The following MARCHF10 variants were observed in gnomAD, a reference collection of about 807,000 sequenced individuals.
The protein encoded by MARCHF10 is probable E3 ubiquitin-protein ligase MARCHF10.
Under a neutral mutation model 76.2 loss-of-function variants are expected in MARCHF10, and 64 were observed. The ratio of observed to expected loss-of-function variants is 0.84; its 90% CI spans 0.69 to 1.03. The LOEUF is 1.03. Ranked by LOEUF, MARCHF10 falls within the 50% of genes least tolerant of loss-of-function variation. The probability of loss-of-function intolerance (pLI) is 0.00; values close to 1 mark genes in which losing one functional copy is unlikely to be tolerated. For missense variants in MARCHF10, 875 were observed against 958.0 expected (o/e 0.91, Z 1.14); for synonymous variants, 340 against 357.5 (o/e 0.95, Z 0.55).
chr17:62,732,067 C>T (rs752599159), intron 6 of MARCHF10, among the ~76,000 whole-genome samples: 2 of 151,858 alleles, frequency 1.3e-5, no homozygotes, highest in Non-Finnish European at 2.9e-5. Context: ...ATAAAAGAAC[C>T]AAGGGATAAA....
intron 1 of MARCHF10, among the ~76,000 whole-genome samples, chr17:62,804,199 G>A (rs1268752345): frequency 6.6e-6 from 1 of 152,208 alleles, no homozygotes; most frequent in Non-Finnish European, 1.5e-5. Context: ...AAACACAGGA[G>A]GAGCTGCTTT....
intron 3 of MARCHF10, among the ~76,000 whole-genome samples, chr17:62,761,850 T>TG (rs1414406159): frequency 1.3e-5 from 2 of 152,310 alleles, no homozygotes; most frequent in Non-Finnish European, 1.5e-5. Context: ...GTCCTGGAAC[T>TG]GGGTCCCAAG....
At chr17:62,768,259 C>A (rs1038192166) in intron 3 of MARCHF10, among the ~76,000 whole-genome samples, 1 of 152,200 alleles carries the variant, frequency 6.6e-6, no homozygotes, top group Non-Finnish European at 1.5e-5. Context: ...TGGCTCATGC[C>A]TGTAGTCCCA....
intron 3 of MARCHF10, among the ~76,000 whole-genome samples, chr17:62,786,198 A>G (rs1030337306): frequency 3.3e-5 from 5 of 152,304 alleles, no homozygotes; most frequent in African/African-American, 9.6e-5. Flanking sequence ...AATACTATGC[A>G]GCCATAAAAA....
chr17:62,777,448 C>T (rs534165637), intron 3 of MARCHF10, among the ~76,000 whole-genome samples: 13 of 152,208 alleles, frequency 8.5e-5, no homozygotes, highest in African/African-American at 2.4e-4. Flanking sequence ...ATAGCCTGGG[C>T]GAAGTGGCTC....
chr17:62,803,042 T>C lies in MARCHF10; in HGVS notation c.-17-1290A>G, dbSNP rs952776059. Among the ~76,000 whole-genome samples, 4 of 152,242 alleles carry C rather than the reference T, an allele frequency of 2.6e-5. No homozygotes were observed. In the East Asian group the frequency reaches 7.8e-4, roughly 30 times the overall value. On this transcript the variant is annotated intron_variant, in intron 1 of 10. Coordinates refer to ENST00000311269, the MANE Select transcript of MARCHF10 (RefSeq NM_152598.4). ...TGTGATCATAACTCACTGGGTATAGTGGCTCACGCCTCCCGAGGTGAATCA... is the reference window on the plus strand; with the variant it reads ...TGTGATCATAACTCACTGGGTATAGCGGCTCACGCCTCCCGAGGTGAATCA...
chr17:62,780,933 A>G (rs1425759173), intron 3 of MARCHF10: 4 of 152,266 alleles, frequency 2.6e-5, no homozygotes, highest in Non-Finnish European at 5.9e-5. Flanking sequence ...TCGTGGGGAC[A>G]AAATTCCTTC....
At chr17:62,795,500 A>C (rs182246793) in intron 2 of MARCHF10, among the ~76,000 whole-genome samples, 6 of 152,154 alleles carry the variant, frequency 3.9e-5, no homozygotes, top group Admixed American at 3.9e-4. Flanking sequence ...ATAGATGTTT[A>C]TTTCCTCTTG....
chr17:62,737,928 A>G (rs1034460918), intron 5 of MARCHF10: 1 of 152,340 alleles, frequency 6.6e-6, no homozygotes, highest in Non-Finnish European at 1.5e-5. Context: ...TGAAATCGTT[A>G]TCTTCTCTTT....
At chr17:62,789,833 C>T (rs968760267) in intron 2 of MARCHF10, among the ~76,000 whole-genome samples, 1 of 152,082 alleles carries the variant, frequency 6.6e-6, no homozygotes, top group Non-Finnish European at 1.5e-5. Context: ...ACTCAGGAGG[C>T]TGAGGCATGA....
At chr17:62,732,516 G>GAA (rs1304589943) in intron 6 of MARCHF10, among the ~76,000 whole-genome samples, 1 of 152,100 alleles carries the variant, frequency 6.6e-6, no homozygotes, top group Non-Finnish European at 1.5e-5. Flanking sequence ...TCATAAGTGG[G>GAA]AAAAAATAAA....
intron 7 of MARCHF10, among the ~76,000 whole-genome samples, chr17:62,723,094 C>G (rs762744650): frequency 1.3e-5 from 2 of 150,630 alleles, no homozygotes; most frequent in Non-Finnish European, 3.0e-5. Context: ...CACCTGAGAA[C>G]AGTGAGGGAG....
chr17:62,704,602 CA>C (rs1218361185), intron 10 of MARCHF10, among the ~76,000 whole-genome samples: 1 of 152,212 alleles, frequency 6.6e-6, no homozygotes, highest in Non-Finnish European at 1.5e-5. Context: ...TGGGAGTTCT[CA>C]AAAGCACCCC....
chr17:62,705,415 G>A (rs539942369), intron 10 of MARCHF10, 124 bp downstream of exon 10: 14 of 1,581,012 alleles, frequency 8.9e-6, no homozygotes, highest in African/African-American at 1.4e-5. Flanking sequence ...AGCTTTGCGG[G>A]GTTATTTTTG....
chr17:62,779,108 C>T (rs918155883), intron 3 of MARCHF10, among the ~76,000 whole-genome samples: 1 of 152,114 alleles, frequency 6.6e-6, no homozygotes, highest in Non-Finnish European at 1.5e-5. Context: ...GCGTTCTTAC[C>T]CAGTGCACCT....
intron 3 of MARCHF10, among the ~76,000 whole-genome samples, chr17:62,784,495 T>C (rs1289142389): frequency 6.6e-6 from 1 of 152,214 alleles, no homozygotes; most frequent in Non-Finnish European, 1.5e-5. Context: ...ACCACTCTTA[T>C]TGAACATAGT....
intron 3 of MARCHF10, among the ~76,000 whole-genome samples, chr17:62,783,052 G>C (rs1006957429): frequency 6.6e-6 from 1 of 152,020 alleles, no homozygotes; most frequent in African/African-American, 2.4e-5. Flanking sequence ...GTGCAATCAG[G>C]GCTCAAACAC....
At chr17:62,791,538 T>A (rs533765579) in intron 2 of MARCHF10, among the ~76,000 whole-genome samples, 6 of 152,216 alleles carry the variant, frequency 3.9e-5, no homozygotes, top group African/African-American at 1.2e-4. Flanking sequence ...TTGAAAAAAA[T>A]TTTTTCCCTC....
chr17:62,801,569 A>G (rs2093073845), intron 2 of MARCHF10, 77 bp downstream of exon 2: 1 of 1,297,278 alleles, frequency 7.7e-7, no homozygotes, highest in African/African-American at 1.5e-5. Flanking sequence ...TGCTTATCAT[A>G]CGTTGATGCT....
Sources: gnomAD v4.1 joint callset for allele counts (sites outside exome capture counted in the v4.1 genomes callset) on GRCh38, gnomAD v4.1.1 for gene constraint, MANE v1.5 for transcripts, NCBI Gene and HGNC (gene_info 2026-07-23, HGNC 2026-07-21) for gene names.